Variants in HEG1 observed in about 807,000 individuals in gnomAD.
HEG1 encodes protein HEG homolog 1.
Under a neutral mutation model 125.6 loss-of-function variants are expected in HEG1, and 56 were observed. The observed-to-expected ratio is 0.45, with a 90% CI of 0.36 to 0.56. The LOEUF (loss-of-function observed/expected upper bound fraction) is 0.56, where lower values mean the gene tolerates loss of function less well. HEG1 is among the 20% of genes least tolerant of loss of function. The probability of loss-of-function intolerance (pLI) is 0.00; values close to 1 mark genes in which losing one functional copy is unlikely to be tolerated. For synonymous variants in HEG1, 644 were observed against 668.5 expected (o/e 0.96, Z 0.57); for missense variants, 1,523 against 1,670.0 (o/e 0.91, Z 1.53).
intron 1 of HEG1, among the ~76,000 whole-genome samples, chr3:125,053,393 G>C (rs1000653118): frequency 1.4e-4 from 22 of 152,138 alleles, no homozygotes; most frequent in Non-Finnish European, 2.9e-4. Flanking sequence ...GATACTGTTT[G>C]AGCCACTACC....
At chr3:125,011,997 G>A (rs1392113802) in intron 6 of HEG1, among the ~76,000 whole-genome samples, 1 of 152,170 alleles carries the variant, frequency 6.6e-6, no homozygotes, top group African/African-American at 2.4e-5. Flanking sequence ...CTGGCCGTGC[G>A]GTCACTGTGG....
chr3:125,031,680 T>C lies in HEG1; in HGVS notation c.317-2192A>G, dbSNP rs951813876. Among the ~76,000 whole-genome samples the C allele has an allele frequency of 4.8e-5, 6 of 125,192 alleles. No individual in the cohort carries two copies. The East Asian group carries it at 1.1e-3, about 24-fold the overall frequency. The allele number at this position is 125,192 out of a possible 152,430, so 82.1% of individuals were successfully genotyped here. ...ACACACACACACACACATACATACA[T>C]ACACACACACACACCCACATATACC... is the stretch of plus-strand genomic sequence containing the variant. On this transcript the variant is annotated intron_variant, in intron 1 of 16. Coordinates refer to ENST00000311127, the MANE Select transcript of HEG1 (RefSeq NM_020733.2).
intron 9 of HEG1, among the ~76,000 whole-genome samples, chr3:125,004,201 A>T (rs915323193): frequency 6.6e-6 from 1 of 152,220 alleles, no homozygotes; most frequent in African/African-American, 2.4e-5. Flanking sequence ...CTAGATCCGT[A>T]TTTTACACAG....
intron 1 of HEG1, among the ~76,000 whole-genome samples, chr3:125,048,702 C>T (rs959070959): frequency 2.6e-5 from 4 of 152,116 alleles, no homozygotes; most frequent in African/African-American, 9.7e-5. Flanking sequence ...GTTAAGCCTC[C>T]GAGTAAGGTG....
chr3:125,010,167 G>A (rs756372787), intron 7 of HEG1, among the ~76,000 whole-genome samples: 4 of 152,212 alleles, frequency 2.6e-5, no homozygotes, highest in Non-Finnish European at 4.4e-5. Flanking sequence ...ATTCCAGCCT[G>A]AGGCATCAGC....
intron 3 of HEG1, among the ~76,000 whole-genome samples, chr3:125,024,801 T>C (rs1325268562): frequency 2.0e-5 from 3 of 152,218 alleles, no homozygotes. Flanking sequence ...GAATCATAGA[T>C]GCTGAAACTA....
chr3:124,992,872 C>T (rs1207048446), intron 12 of HEG1, among the ~76,000 whole-genome samples: 1 of 152,250 alleles, frequency 6.6e-6, no homozygotes, highest in Non-Finnish European at 1.5e-5. Context: ...ACTGTTTTGA[C>T]CCCACAGTAT....
At chr3:124,987,586 T>C (rs1439355999) in intron 14 of HEG1, among the ~76,000 whole-genome samples, 62 of 148,870 alleles carry the variant, frequency 4.2e-4, no homozygotes, top group Non-Finnish European at 1.2e-4. Context: ...GCAATGGCGC[T>C]ATCCCGGCTC....
intron 1 of HEG1, among the ~76,000 whole-genome samples, chr3:125,034,880 G>C (rs1441880584): frequency 1.3e-5 from 2 of 152,106 alleles, no homozygotes; most frequent in Admixed American, 6.5e-5. Flanking sequence ...TGAAAAAGAG[G>C]TTAAGAGACA....
At chr3:125,025,416 A>G (rs1209267384) in intron 3 of HEG1, among the ~76,000 whole-genome samples, 1 of 152,220 alleles carries the variant, frequency 6.6e-6, no homozygotes, top group Non-Finnish European at 1.5e-5. Flanking sequence ...ACAGTTCACT[A>G]AAAAGGAAGA....
In HEG1 at chr3:125,055,626, C is replaced by T; in HGVS notation, c.265G>A (p.Ala89Thr). The change falls in exon 1 of 17, where the codon GCC (alanine) becomes ACC (threonine). Residue 89 changes from alanine to threonine, a missense_variant. Physicochemically the swap from Ala to Thr is moderately conservative, Grantham distance 58. Transcript: ENST00000311127. ...CCGGAGGGTCCCCGCTGTGTCGCGG[C>T]GCCTGGCTCAGGGGCCCTGTAGCTG... is the stretch of plus-strand genomic sequence containing the variant. ...GPSYRAPEPG[A>T]ATQRGPSGRA... The T allele has an allele frequency of 3.3e-6, 4 of 1,202,528 alleles. No individual in the cohort carries two copies. Among genetic ancestry groups the T allele is most frequent in the Non-Finnish European group, 4.1e-6 (4 of 968,896 alleles). 74.5% of individuals were successfully genotyped at this position (1,202,528 alleles called of 1,614,324 possible).
intron 14 of HEG1, among the ~76,000 whole-genome samples, chr3:124,985,846 C>T (rs1476159963): frequency 6.6e-6 from 1 of 152,188 alleles, no homozygotes; most frequent in Non-Finnish European, 1.5e-5. Context: ...AGTGCGATCT[C>T]GGCTTACTGT....
chr3:124,983,144 CTCTT>C (rs749413793), intron 14 of HEG1, among the ~76,000 whole-genome samples: 4 of 152,202 alleles, frequency 2.6e-5, no homozygotes, highest in African/African-American at 7.2e-5. Flanking sequence ...CCAATAAACT[CTCTT>C]TGTCGCTTAG....
chr3:125,047,632 G>A (rs1168895414), intron 1 of HEG1, among the ~76,000 whole-genome samples: 1 of 152,206 alleles, frequency 6.6e-6, no homozygotes, highest in African/African-American at 2.4e-5. Flanking sequence ...GGTCCTAGTG[G>A]CCAGGGAGGT....
chr3:125,035,559 T>C (rs1937541387), intron 1 of HEG1, among the ~76,000 whole-genome samples: 1 of 152,206 alleles, frequency 6.6e-6, no homozygotes, highest in South Asian at 2.1e-4. Flanking sequence ...GGCAAAGCTA[T>C]CTTTGAGAAA....
At chr3:125,054,780 G>A (rs1937892399) in intron 1 of HEG1, among the ~76,000 whole-genome samples, 1 of 152,226 alleles carries the variant, frequency 6.6e-6, no homozygotes, top group Admixed American at 6.5e-5. Flanking sequence ...TTTCACAGAT[G>A]GAGAAAGTGA....
Position 124,997,788 on chromosome 3 carries a change from C to G in HEG1, c.3553G>C (p.Asp1185His). ...TCAGTGCAGATGGAGGTGTCTTTGT[C>G]ACATTCGGGACTCTTCCGCTTGCAC... ...SLCKRKSPEC[D>H]KDTSICTDLD... is the part of the protein sequence containing the mutation. Residue 1185 changes from aspartate (D) to histidine (H), a missense_variant, in exon 12 of 17, where the codon GAC becomes CAC. Coordinates refer to ENST00000311127, the MANE Select transcript of HEG1 (RefSeq NM_020733.2). 6.3e-7 allele frequency: 1 copy of G among 1,595,602 alleles called. No individual in the cohort carries two copies. Among genetic ancestry groups the G allele is most frequent in the Non-Finnish European group, 8.6e-7 (1 of 1,167,958 alleles).
rs763847358 is a variant in HEG1, at chr3:125,019,376, T to C, written c.1474A>G (p.Thr492Ala). ...ASVLTQFSDS[T>A]VQSGGSHTAL... Reference sequence around the variant, plus strand: ...GTGTGACTTCCTCCAGACTGTACAGTAGAGTCTGAGAACTGGGTCAACACT... The same window carrying C: ...GTGTGACTTCCTCCAGACTGTACAGCAGAGTCTGAGAACTGGGTCAACACT... The change falls in exon 5 of 17, where the codon ACT becomes GCT. Residue 492 changes from threonine (T) to alanine (A), a missense_variant. Thr to Ala is a moderately conservative substitution (Grantham distance 58, BLOSUM62 0). Coordinates refer to ENST00000311127, the MANE Select transcript of HEG1 (RefSeq NM_020733.2). The C allele has an allele frequency of 1.4e-5, 23 of 1,613,938 alleles. No individual in the cohort carries two copies. The highest frequency in any genetic ancestry group is 6.7e-5 in the Admixed American group (4 of 60,030).
At position 125,013,234 on chromosome 3, in the gene HEG1, C is replaced by T. The variant is rs763756058; in HGVS notation, c.2345G>A (p.Ser782Asn). ...SSQTADLKSQ[S>N]TPHQEKVITE... ...AATGACTTTCTCTTGGTGTGGGGTG[C>T]TCTGGCTCTTAAGGTCTGCAGTTTG... The change falls in exon 6 of 17, where the codon AGC (serine) becomes AAC (asparagine). Residue 782 changes from serine (S) to asparagine (N), a missense_variant. Transcript: ENST00000311127. The T allele has an allele frequency of 1.2e-6, 2 of 1,613,938 alleles. No homozygotes were observed. Among genetic ancestry groups the T allele is most frequent in the Non-Finnish European group, 1.7e-6 (2 of 1,179,884 alleles).
Sources: gnomAD v4.1 joint callset for allele counts (sites outside exome capture counted in the v4.1 genomes callset) on GRCh38, gnomAD v4.1.1 for gene constraint, MANE v1.5 for transcripts, NCBI Gene and HGNC (gene_info 2026-07-23, HGNC 2026-07-21) for gene names.